The following ATP8A2 variants were observed in gnomAD, a reference collection of about 807,000 sequenced individuals.
The protein encoded by ATP8A2 is phospholipid-transporting ATPase IB.
A neutral mutation model predicts 165.6 loss-of-function variants in ATP8A2; 100 were observed. That is an observed-to-expected ratio of 0.60 (90% CI 0.51 to 0.71). The LOEUF (loss-of-function observed/expected upper bound fraction) is 0.71, where lower values mean the gene tolerates loss of function less well. ATP8A2 is among the 30% of genes least tolerant of loss of function. The probability of loss-of-function intolerance (pLI) is 0.00; values close to 1 mark genes in which losing one functional copy is unlikely to be tolerated. For synonymous variants in ATP8A2, 543 were observed against 548.8 expected (o/e 0.99, Z 0.15); for missense variants, 1,227 against 1,479.5 (o/e 0.83, Z 2.80).
At chr13:26,006,447 A>T (rs780980427) in intron 35 of ATP8A2, among the ~76,000 whole-genome samples, 1 of 152,034 alleles carries the variant, frequency 6.6e-6, no homozygotes, top group Non-Finnish European at 1.5e-5. Flanking sequence ...AGATCATGTC[A>T]TGTACAAATA....
intron 24 of ATP8A2, among the ~76,000 whole-genome samples, chr13:25,626,132 T>C (rs2041093852): frequency 1.3e-5 from 2 of 152,236 alleles, no homozygotes; most frequent in Admixed American, 1.3e-4. Flanking sequence ...TTTTGGGTGC[T>C]AACCACAATT....
intron 24 of ATP8A2, among the ~76,000 whole-genome samples, chr13:25,597,679 C>T (rs1249168832): frequency 6.6e-6 from 1 of 152,144 alleles, no homozygotes; most frequent in Non-Finnish European, 1.5e-5. Flanking sequence ...TAGCCAACAC[C>T]TTGATTACAG....
At chr13:25,981,508 T>C (rs1485867931) in intron 35 of ATP8A2, among the ~76,000 whole-genome samples, 1 of 152,230 alleles carries the variant, frequency 6.6e-6, no homozygotes, top group African/African-American at 2.4e-5. Flanking sequence ...AGTGACCTAT[T>C]TGTAAAATCA....
intron 35 of ATP8A2, among the ~76,000 whole-genome samples, chr13:25,986,457 G>A (rs1037232787): frequency 6.6e-6 from 1 of 152,218 alleles, no homozygotes; most frequent in Non-Finnish European, 1.5e-5. Flanking sequence ...AGATCATGCA[G>A]TGTTTGTCTT....
chr13:25,531,835 A>G (rs1044432137), intron 4 of ATP8A2, among the ~76,000 whole-genome samples: 4 of 152,190 alleles, frequency 2.6e-5, no homozygotes, highest in African/African-American at 9.6e-5. Flanking sequence ...GAGACACCTC[A>G]TTGGGTATAT....
intron 1 of ATP8A2, among the ~76,000 whole-genome samples, chr13:25,464,782 A>G (rs1310863220): frequency 6.6e-6 from 1 of 152,190 alleles, no homozygotes; most frequent in Non-Finnish European, 1.5e-5. Flanking sequence ...AGGTACCTAA[A>G]AGGCACCTAC....
At chr13:25,935,723 G>C (rs977380041) in intron 33 of ATP8A2, among the ~76,000 whole-genome samples, 3 of 152,122 alleles carry the variant, frequency 2.0e-5, no homozygotes, top group African/African-American at 7.2e-5. Context: ...AGCCATTAGT[G>C]AGGGATCTGC....
chr13:25,407,875 T>C (rs763682698), intron 1 of ATP8A2, among the ~76,000 whole-genome samples: 25 of 152,134 alleles, frequency 1.6e-4, no homozygotes, highest in Admixed American at 1.3e-4. Context: ...ACATCAGTTC[T>C]GTGGGAGATA....
At position 25,411,298 on chromosome 13, in the gene ATP8A2, G is replaced by A. The variant is rs541854701; in HGVS notation, c.76+39010G>A. On this transcript the variant is annotated intron_variant, in intron 1 of 36. Coordinates refer to ENST00000381655, the MANE Select transcript of ATP8A2 (RefSeq NM_016529.6). ...CAGCCAGAAGGAGAATATCAGGTGT[G>A]TTTCCACATGGTTGCTGGTTCCTGA... Among the ~76,000 whole-genome samples the A allele has an allele frequency of 4.7e-4, 72 of 152,300 alleles. 1 individual carries two copies. In the South Asian group the frequency reaches 0.014, roughly 30 times the overall value.
chr13:25,963,102 C>T (rs940309805), intron 34 of ATP8A2, among the ~76,000 whole-genome samples: 2 of 151,964 alleles, frequency 1.3e-5, no homozygotes. Context: ...ACCATAAGAA[C>T]ATAGTAGTTT....
In ATP8A2 at chr13:25,536,704, A is replaced by G. The variant is rs138913550; in HGVS notation, c.508-1284A>G. 9.2e-5 allele frequency among the ~76,000 whole-genome samples: 14 copies of G among 152,322 alleles called. No individual in the cohort carries two copies. In the East Asian group the frequency reaches 2.3e-3, roughly 25 times the overall value. On this transcript the variant is annotated intron_variant, in intron 6 of 36. Transcript: ENST00000381655. ...GGCTAGAATAGGAAATAGAAAGCAT[A>G]AATGCCCACTTTGAGCTTTGCAACT...
intron 33 of ATP8A2, among the ~76,000 whole-genome samples, chr13:25,922,726 T>G (rs1272482945): frequency 6.6e-6 from 1 of 152,142 alleles, no homozygotes; most frequent in African/African-American, 2.4e-5. Flanking sequence ...TCCACACAGG[T>G]CCAGATATCC....
At chr13:25,823,930 T>G (rs1951243114) in intron 27 of ATP8A2, among the ~76,000 whole-genome samples, 1 of 152,220 alleles carries the variant, frequency 6.6e-6, no homozygotes, top group African/African-American at 2.4e-5. Flanking sequence ...GAGAATTGTG[T>G]TCTCAAGCTT....
chr13:25,821,761 A>T (rs941996096), intron 27 of ATP8A2, among the ~76,000 whole-genome samples: 6 of 152,160 alleles, frequency 3.9e-5, no homozygotes, highest in Admixed American at 2.6e-4. Context: ...GCCTTGTAGG[A>T]TGTTTAGCAG....
At chr13:26,003,827 A>T (rs1350135159) in intron 35 of ATP8A2, among the ~76,000 whole-genome samples, 2 of 152,150 alleles carry the variant, frequency 1.3e-5, no homozygotes, top group Non-Finnish European at 2.9e-5. Flanking sequence ...TCAGTTGACC[A>T]TAAATGTACG....
At chr13:25,499,053 T>C (rs185731228) in intron 2 of ATP8A2, among the ~76,000 whole-genome samples, 1 of 152,330 alleles carries the variant, frequency 6.6e-6, no homozygotes, top group Non-Finnish European at 1.5e-5. Flanking sequence ...GACAATAAAA[T>C]AGAATCTCCA....
At chr13:25,702,877 A>G (rs1489524432) in intron 25 of ATP8A2, among the ~76,000 whole-genome samples, 1 of 151,940 alleles carries the variant, frequency 6.6e-6, no homozygotes, top group Non-Finnish European at 1.5e-5. Context: ...TCCTTAAGTT[A>G]TCTGTCTCCT....
At chr13:25,827,527 A>G (rs1283484334) in intron 27 of ATP8A2, among the ~76,000 whole-genome samples, 1 of 152,260 alleles carries the variant, frequency 6.6e-6, no homozygotes, top group African/African-American at 2.4e-5. Flanking sequence ...ACTTGAAGGC[A>G]TGAATAACAG....
intron 33 of ATP8A2, among the ~76,000 whole-genome samples, chr13:25,930,034 C>CT (rs1007167636): frequency 6.6e-6 from 1 of 152,120 alleles, no homozygotes; most frequent in African/African-American, 2.4e-5. Context: ...CCCCACGTGC[C>CT]TTTGCTCCTT....
Sources: gnomAD v4.1 joint callset for allele counts (sites outside exome capture counted in the v4.1 genomes callset) on GRCh38, gnomAD v4.1.1 for gene constraint, MANE v1.5 for transcripts, NCBI Gene and HGNC (gene_info 2026-07-23, HGNC 2026-07-21) for gene names.